The following FANCB variants were observed in gnomAD, a reference collection of about 807,000 sequenced individuals.
FANCB encodes FA complementation group B.
FANCB carries 5 observed loss-of-function variants against 38.9 expected under a neutral mutation model. That is an observed-to-expected ratio of 0.13 (90% CI 0.07 to 0.27). The LOEUF (loss-of-function observed/expected upper bound fraction) is 0.27. FANCB is among the 10% of genes least tolerant of loss of function. The pLI is 1.00. For synonymous variants in FANCB, 236 were observed against 215.4 expected (o/e 1.10, Z -0.84); for missense variants, 573 against 602.7 (o/e 0.95, Z 0.52).
the FANCB span, among the ~76,000 whole-genome samples, chrX:14,788,704 T>A: frequency 8.9e-6 from 1 of 112,331 alleles, no homozygotes; most frequent in African/African-American, 3.2e-5. Context: ...ACATGGAAAT[T>A]GAATAAAACA....
At chrX:14,780,809 T>C in the FANCB span, among the ~76,000 whole-genome samples, 1 of 104,688 alleles carries the variant, frequency 9.6e-6, no homozygotes, top group Non-Finnish European at 1.9e-5. Context: ...TCTTGGTTTT[T>C]TTTGTTTTTT....
the FANCB span, among the ~76,000 whole-genome samples, chrX:14,707,611 TATCATGG>T: frequency 4.5e-5 from 4 of 88,581 alleles, no homozygotes; most frequent in Non-Finnish European, 6.3e-5. Context: ...ACAAAGAAAA[TATCATGG>T]TATATCCTGC....
the FANCB span, among the ~76,000 whole-genome samples, chrX:14,701,318 T>C: frequency 2.5e-4 from 28 of 111,304 alleles, no homozygotes; most frequent in East Asian, 2.8e-3. Flanking sequence ...CAGCCTAGAA[T>C]AACCAGATGG....
the FANCB span, among the ~76,000 whole-genome samples, chrX:14,768,434 C>T: frequency 1.8e-5 from 2 of 110,632 alleles, no homozygotes; most frequent in East Asian, 5.7e-4. Flanking sequence ...TGTGAATGGG[C>T]GTTCATTCAT....
the FANCB span, among the ~76,000 whole-genome samples, chrX:14,756,196 A>G: frequency 8.9e-6 from 1 of 112,045 alleles, no homozygotes; most frequent in Non-Finnish European, 1.9e-5. Flanking sequence ...TAAAGACCTA[A>G]AAGACCTGAA....
At chrX:14,786,842 G>A in the FANCB span, among the ~76,000 whole-genome samples, 1 of 111,084 alleles carries the variant, frequency 9.0e-6, no homozygotes, top group Non-Finnish European at 1.9e-5. Context: ...AATGTCTCCA[G>A]GTTTATGACA....
chrX:14,830,326 G>C, the FANCB span, among the ~76,000 whole-genome samples: 1 of 111,561 alleles, frequency 9.0e-6, no homozygotes, highest in Admixed American at 9.5e-5. Flanking sequence ...CACAACATGA[G>C]CACCTTATGT....
chrX:14,794,925 G>A, the FANCB span, among the ~76,000 whole-genome samples: 1 of 112,693 alleles, frequency 8.9e-6, no homozygotes. Context: ...GCTTTCACCT[G>A]ACAATAGCTG....
chrX:14,810,062 G>C, the FANCB span, among the ~76,000 whole-genome samples: 15 of 112,281 alleles, frequency 1.3e-4, no homozygotes, highest in African/African-American at 4.5e-4. Flanking sequence ...ACAGGGTCTG[G>C]AGTGGACCTC....
chrX:14,690,824 C>A, the FANCB span: 1 of 1,208,124 alleles, frequency 8.3e-7, no homozygotes, highest in Non-Finnish European at 1.1e-6. Flanking sequence ...CAAGGAGTTC[C>A]TGCGCCTCCG....
downstream of FANCB, among the ~76,000 whole-genome samples, chrX:14,840,617 C>T (rs1480946055): frequency 1.8e-5 from 2 of 112,291 alleles, no homozygotes; most frequent in African/African-American, 6.5e-5. Context: ...ACTTCTTTCT[C>T]ACTCCTGACT....
chrX:14,794,321 T>C, the FANCB span, among the ~76,000 whole-genome samples: 39 of 110,991 alleles, frequency 3.5e-4, no homozygotes, highest in African/African-American at 7.9e-4. Flanking sequence ...TTATGTTGGG[T>C]GGCTGTGATG....
downstream of FANCB, among the ~76,000 whole-genome samples, chrX:14,841,815 T>TA (rs774344022): frequency 3.6e-5 from 4 of 111,164 alleles, no homozygotes; most frequent in Non-Finnish European, 7.6e-5. Context: ...TGTAGTAAGT[T>TA]AAAAAAAATA....
At chrX:14,722,703 T>G in the FANCB span, among the ~76,000 whole-genome samples, 1 of 111,821 alleles carries the variant, frequency 8.9e-6, no homozygotes, top group Non-Finnish European at 1.9e-5. Flanking sequence ...TGGGAACTGC[T>G]TCTCTTCTCT....
the FANCB span, among the ~76,000 whole-genome samples, chrX:14,765,524 G>A: frequency 8.9e-6 from 1 of 112,494 alleles, no homozygotes; most frequent in African/African-American, 3.2e-5. Context: ...TAAGAAGATA[G>A]CTCAGAAATG....
At chrX:14,732,480 A>G in the FANCB span, among the ~76,000 whole-genome samples, 2 of 112,170 alleles carry the variant, frequency 1.8e-5, no homozygotes, top group Non-Finnish European at 3.8e-5. Flanking sequence ...CAATGGTTGA[A>G]TTAATTTACA....
chrX:14,856,297 A>C (rs763847002), intron 5 of FANCB, among the ~76,000 whole-genome samples: 49 of 112,277 alleles, frequency 4.4e-4, no homozygotes, highest in African/African-American at 1.5e-3. Flanking sequence ...GACATAAGTA[A>C]TTCATATTTT....
intron 2 of FANCB, among the ~76,000 whole-genome samples, chrX:14,866,617 G>C (rs2092470732): frequency 9.0e-6 from 1 of 111,611 alleles, no homozygotes; most frequent in South Asian, 3.7e-4. Context: ...GGTAACTTGA[G>C]AGAATTAGTA....
At chrX:14,789,579 G>C in the FANCB span, among the ~76,000 whole-genome samples, 1 of 112,341 alleles carries the variant, frequency 8.9e-6, no homozygotes, top group Non-Finnish European at 1.9e-5. Flanking sequence ...ACCCAGCAGG[G>C]AGGAATAAGG....
Sources: gnomAD v4.1 joint callset for allele counts (sites outside exome capture counted in the v4.1 genomes callset) on GRCh38, gnomAD v4.1.1 for gene constraint, MANE v1.5 for transcripts, NCBI Gene and HGNC (gene_info 2026-07-23, HGNC 2026-07-21) for gene names.